The following MARCHF1 variants were observed in gnomAD, a reference collection of about 807,000 sequenced individuals.
MARCHF1 encodes the protein membrane associated ring-CH-type finger 1, also known as E3 ubiquitin-protein ligase MARCHF1.
MARCHF1 carries 40 observed loss-of-function variants against 54.2 expected under a neutral mutation model. That is an observed-to-expected ratio of 0.74 (90% CI 0.57 to 0.96). MARCHF1 has a LOEUF of 0.96. Among genes scored for constraint, MARCHF1 ranks in the 40% least tolerant of loss-of-function variants. The pLI is 0.00. For synonymous variants in MARCHF1, 236 were observed against 236.3 expected (o/e 1.00, Z 0.01); for missense variants, 586 against 656.5 (o/e 0.89, Z 1.17).
chr4:164,309,670 T>G (rs886835571), intron 1 of MARCHF1, among the ~76,000 whole-genome samples: 3 of 152,184 alleles, frequency 2.0e-5, no homozygotes, highest in African/African-American at 7.2e-5. Flanking sequence ...GTTCTGTTTA[T>G]CACAGTTCAA....
intron 2 of MARCHF1, among the ~76,000 whole-genome samples, chr4:164,013,732 T>A (rs1017245031): frequency 3.9e-5 from 4 of 101,328 alleles, no homozygotes; most frequent in Non-Finnish European, 1.0e-4. Flanking sequence ...GAAGTCAAAG[T>A]GCTGATGGAA....
At chr4:164,024,835 T>A (rs913215422) in intron 2 of MARCHF1, among the ~76,000 whole-genome samples, 4 of 152,080 alleles carry the variant, frequency 2.6e-5, no homozygotes, top group Admixed American at 6.6e-5. Flanking sequence ...CTGTCTTCAA[T>A]AGACCCATCT....
chr4:164,102,322 C>T (rs1579535268), intron 2 of MARCHF1, among the ~76,000 whole-genome samples: 1 of 75,932 alleles, frequency 1.3e-5, no homozygotes, highest in African/African-American at 4.9e-5. Context: ...TCAGATTCAC[C>T]AAAGTTGAAA....
Position 163,644,346 on chromosome 4 carries a change from C to T in MARCHF1, c.163-30953G>A, listed in dbSNP as rs560527921. 2.3e-3 allele frequency among the ~76,000 whole-genome samples: 346 copies of T among 152,186 alleles called. 1 individual carries two copies. Among genetic ancestry groups the T allele is most frequent in the African/African-American group, 6.0e-3 (249 of 41,544 alleles). On this transcript the variant is annotated intron_variant, in intron 5 of 9. Transcript: ENST00000514618. ...ACCTAGGAGGGTCATTTTGAGGGGG[C>T]GGATTCATACTTAGGCACCAGATTT... is the stretch of plus-strand genomic sequence containing the variant.
At chr4:164,349,756 G>GGAA (rs2110876789) in intron 1 of MARCHF1, among the ~76,000 whole-genome samples, 1 of 152,238 alleles carries the variant, frequency 6.6e-6, no homozygotes, top group Non-Finnish European at 1.5e-5. Context: ...GAAATAAGGA[G>GGAA]GAAGATGGAA....
At chr4:163,942,013 T>C (rs954950721) in intron 3 of MARCHF1, among the ~76,000 whole-genome samples, 2 of 152,158 alleles carry the variant, frequency 1.3e-5, no homozygotes, top group Non-Finnish European at 2.9e-5. Context: ...ATACATGAAA[T>C]TGAGTGTGAA....
rs192424981 is a variant in MARCHF1 at position 164,092,357 on chromosome 4, C to T, written c.-248+19231G>A. Among the ~76,000 whole-genome samples the T allele has an allele frequency of 7.2e-5, 11 of 152,260 alleles. No individual in the cohort carries two copies. In the East Asian group the frequency reaches 1.7e-3, roughly 24 times the overall value. ...GCCATATTCACTATCATGTATCCCA[C>T]ACAACACTGGTTTCAACCAAAGAAC... On this transcript the variant is annotated intron_variant, in intron 2 of 9. Coordinates refer to ENST00000514618, the MANE Select transcript of MARCHF1 (RefSeq NM_001394959.1).
chr4:163,734,047 G>A (rs549471829), intron 4 of MARCHF1, among the ~76,000 whole-genome samples: 5 of 152,206 alleles, frequency 3.3e-5, no homozygotes, highest in South Asian at 2.1e-4. Context: ...CTAAGCACAT[G>A]CAAAGATGTT....
intron 1 of MARCHF1, among the ~76,000 whole-genome samples, chr4:164,278,979 TATTA>T (rs1733954972): frequency 6.6e-6 from 1 of 152,114 alleles, no homozygotes; most frequent in Admixed American, 6.5e-5. Context: ...GCTGATAATT[TATTA>T]GTTAGGCTCA....
chr4:163,576,278 C>T (rs1412393393), intron 8 of MARCHF1, among the ~76,000 whole-genome samples: 1 of 151,922 alleles, frequency 6.6e-6, no homozygotes, highest in African/African-American at 2.4e-5. Flanking sequence ...TTGATTTCTG[C>T]CTTAATGTAA....
intron 5 of MARCHF1, among the ~76,000 whole-genome samples, chr4:163,633,259 G>C (rs542267404): frequency 2.0e-5 from 3 of 152,208 alleles, no homozygotes; most frequent in Non-Finnish European, 4.4e-5. Flanking sequence ...TGACTTTGAC[G>C]AGCTGAGAGA....
chr4:164,042,405 C>T (rs973411428), intron 2 of MARCHF1, among the ~76,000 whole-genome samples: 3 of 152,118 alleles, frequency 2.0e-5, no homozygotes, highest in Non-Finnish European at 4.4e-5. Flanking sequence ...AAGAAAGCAC[C>T]TTCTTATGGC....
intron 1 of MARCHF1, among the ~76,000 whole-genome samples, chr4:164,316,572 T>G (rs1735004005): frequency 2.0e-5 from 3 of 152,018 alleles, no homozygotes; most frequent in African/African-American, 7.3e-5. Context: ...AATCCTATAC[T>G]TATCCACTGA....
intron 9 of MARCHF1, chr4:163,529,684 C>G (rs1419457431): frequency 6.6e-6 from 1 of 152,060 alleles, no homozygotes; most frequent in Non-Finnish European, 1.5e-5. Context: ...AACCATCACA[C>G]TTTTATAGAT....
intron 5 of MARCHF1, among the ~76,000 whole-genome samples, chr4:163,693,935 C>T (rs191946284): frequency 1.3e-5 from 2 of 152,214 alleles, no homozygotes; most frequent in East Asian, 3.9e-4. Context: ...GTGATTACAG[C>T]AACTACAGCA....
chr4:164,010,362 G>T (rs894075522), intron 2 of MARCHF1, among the ~76,000 whole-genome samples: 6 of 151,732 alleles, frequency 4.0e-5, no homozygotes, highest in Non-Finnish European at 8.8e-5. Flanking sequence ...CTCCCAAAGT[G>T]CTGGGATTAC....
chr4:163,682,182 C>T (rs1223979703), intron 5 of MARCHF1, among the ~76,000 whole-genome samples: 1 of 152,114 alleles, frequency 6.6e-6, no homozygotes, highest in Non-Finnish European at 1.5e-5. Flanking sequence ...GATAGTGAAA[C>T]TTTGAACTTG....
At chr4:163,744,761 T>C (rs547290208) in intron 4 of MARCHF1, among the ~76,000 whole-genome samples, 3 of 152,320 alleles carry the variant, frequency 2.0e-5, no homozygotes, top group Admixed American at 1.3e-4. Flanking sequence ...TATCCTTTAA[T>C]GTATGTGCCT....
At chr4:163,659,810 C>T (rs1311092853) in intron 5 of MARCHF1, among the ~76,000 whole-genome samples, 1 of 152,092 alleles carries the variant, frequency 6.6e-6, no homozygotes, top group Non-Finnish European at 1.5e-5. Context: ...AGCTGACCAT[C>T]ACTGGTCATT....
Sources: allele counts gnomAD v4.1 joint callset (sites outside exome capture counted in the v4.1 genomes callset), GRCh38; gene constraint gnomAD v4.1.1; transcripts MANE v1.5; gene names NCBI Gene and HGNC (gene_info 2026-07-23, HGNC 2026-07-21).